The following EXOC4 variants were observed in gnomAD, a reference collection of about 807,000 sequenced individuals.
EXOC4 encodes SEC8-like 1.
A neutral mutation model predicts 107.2 loss-of-function variants in EXOC4; 71 were observed. The observed-to-expected ratio is 0.66, with a 90% CI of 0.55 to 0.81. The LOEUF (loss-of-function observed/expected upper bound fraction) is 0.81. EXOC4 is among the 30% of genes least tolerant of loss of function. The probability of loss-of-function intolerance (pLI) is 0.00; values close to 1 mark genes in which losing one functional copy is unlikely to be tolerated. For missense variants in EXOC4, 1,108 were observed against 1,189.6 expected (o/e 0.93, Z 1.01); for synonymous variants, 456 against 441.2 (o/e 1.03, Z -0.42).
At chr7:133,533,664 T>G (rs1800221313) in intron 9 of EXOC4, among the ~76,000 whole-genome samples, 2 of 152,148 alleles carry the variant, frequency 1.3e-5, no homozygotes, top group Admixed American at 1.3e-4. Flanking sequence ...GTGTTACCTT[T>G]AAAAAGCTAG....
chr7:133,860,842 A>G (rs1289503381), intron 11 of EXOC4, among the ~76,000 whole-genome samples: 2 of 151,752 alleles, frequency 1.3e-5, no homozygotes, highest in South Asian at 2.1e-4. Flanking sequence ...AAATCCATTA[A>G]TATGTATGAT....
chr7:133,805,180 G>A (rs867080160), intron 10 of EXOC4, among the ~76,000 whole-genome samples: 1 of 152,092 alleles, frequency 6.6e-6, no homozygotes, highest in Non-Finnish European at 1.5e-5. Flanking sequence ...TACATAAAGC[G>A]GTTTTAAAGG....
chr7:133,895,300 G>A (rs1249878158), intron 11 of EXOC4: 4 of 315,158 alleles, frequency 1.3e-5, no homozygotes, highest in Admixed American at 4.2e-5. Flanking sequence ...CGCACGGTGC[G>A]CGCACCCACT....
At position 133,630,143 on chromosome 7, in the gene EXOC4, T is replaced by C. The variant is rs751318181; in HGVS notation, c.1514+2T>C. 8.8e-5 allele frequency: 141 copies of C among 1,604,986 alleles called. No individual in the cohort carries two copies. Among genetic ancestry groups the C allele is most frequent in the Non-Finnish European group, 1.1e-4 (129 of 1,171,928 alleles). On this transcript the variant is annotated splice_donor_variant, in intron 10 of 17. Transcript: ENST00000253861. LOFTEE classifies it high-confidence loss of function. ...CGTCATATTCCACCCATTACTAAGGTAAGTCAAGTGCTATGATATACTTAC... is the reference window on the plus strand; with the variant it reads ...CGTCATATTCCACCCATTACTAAGGCAAGTCAAGTGCTATGATATACTTAC...
intron 7 of EXOC4, among the ~76,000 whole-genome samples, chr7:133,427,292 A>G (rs1797748497): frequency 6.6e-6 from 1 of 152,124 alleles, no homozygotes; most frequent in Non-Finnish European, 1.5e-5. Context: ...GGTGATCCAC[A>G]GCTCTACTAG....
chr7:133,372,575 C>G (rs1006126369), intron 6 of EXOC4, among the ~76,000 whole-genome samples: 1 of 152,042 alleles, frequency 6.6e-6, no homozygotes, highest in Non-Finnish European at 1.5e-5. Flanking sequence ...AGCGCTGTTC[C>G]TGGCTGCTGA....
At chr7:134,030,618 A>G (rs1269214262) in intron 17 of EXOC4, among the ~76,000 whole-genome samples, 2 of 152,028 alleles carry the variant, frequency 1.3e-5, no homozygotes, top group Non-Finnish European at 2.9e-5. Context: ...TTTAATGACA[A>G]AGGCTTGGAG....
chr7:133,746,465 C>T (rs1795680175), intron 10 of EXOC4, among the ~76,000 whole-genome samples: 1 of 152,058 alleles, frequency 6.6e-6, no homozygotes, highest in Admixed American at 6.6e-5. Context: ...ATCCCAGTGC[C>T]AGAGTTTCTA....
intron 5 of EXOC4, among the ~76,000 whole-genome samples, chr7:133,350,434 C>A (rs563493525): frequency 6.6e-6 from 1 of 152,064 alleles, no homozygotes; most frequent in Non-Finnish European, 1.5e-5. Flanking sequence ...GCCGTCCTTT[C>A]CCCATTGAAT....
chr7:133,727,257 G>A (rs113315398), intron 10 of EXOC4: 2 of 152,822 alleles, frequency 1.3e-5, no homozygotes, highest in Non-Finnish European at 2.9e-5. Context: ...ATATCGGAAA[G>A]AAATAAGACC....
chr7:133,370,613 C>A (rs2150682535), intron 6 of EXOC4, among the ~76,000 whole-genome samples: 1 of 152,254 alleles, frequency 6.6e-6, no homozygotes, highest in Non-Finnish European at 1.5e-5. Context: ...TTAAAAAAAT[C>A]TTGGTAGCTA....
intron 9 of EXOC4, among the ~76,000 whole-genome samples, chr7:133,515,448 T>TTACATATACATA: frequency 6.6e-6 from 1 of 152,162 alleles, no homozygotes; most frequent in South Asian, 2.1e-4. Flanking sequence ...CGTGTGTATT[T>TTACATATACATA]TACATATACA....
intron 10 of EXOC4, among the ~76,000 whole-genome samples, chr7:133,631,370 C>T (rs911727146): frequency 6.6e-6 from 1 of 152,030 alleles, no homozygotes; most frequent in African/African-American, 2.4e-5. Context: ...AATTATCCTA[C>T]CTTCTCATTA....
intron 2 of EXOC4, among the ~76,000 whole-genome samples, chr7:133,277,346 A>G (rs529961974): frequency 6.6e-6 from 1 of 152,366 alleles, no homozygotes; most frequent in East Asian, 1.9e-4. Context: ...TAATAACAGC[A>G]AAGGTGAAGG....
chr7:133,713,229 A>G (rs1345501723), intron 10 of EXOC4, among the ~76,000 whole-genome samples: 1 of 152,232 alleles, frequency 6.6e-6, no homozygotes, highest in African/African-American at 2.4e-5. Context: ...TTATAAGAAT[A>G]ACCAACTCAT....
chr7:133,519,637 A>G (rs534521908), intron 9 of EXOC4, among the ~76,000 whole-genome samples: 2 of 152,326 alleles, frequency 1.3e-5, no homozygotes, highest in African/African-American at 4.8e-5. Flanking sequence ...ATCAATCCAT[A>G]GCCTTTTTAA....
At chr7:133,968,594 T>C (rs1446493155) in intron 14 of EXOC4, among the ~76,000 whole-genome samples, 4 of 152,204 alleles carry the variant, frequency 2.6e-5, no homozygotes, top group Admixed American at 6.5e-5. Context: ...CTCCTTCACT[T>C]ATGAAGCTTA....
chr7:133,876,239 T>A (rs1798846875), intron 11 of EXOC4, among the ~76,000 whole-genome samples: 1 of 151,944 alleles, frequency 6.6e-6, no homozygotes, highest in Admixed American at 6.6e-5. Flanking sequence ...TGTGTGTGTG[T>A]GTGTGTGTGT....
intron 9 of EXOC4, among the ~76,000 whole-genome samples, chr7:133,495,947 A>G (rs564464592): frequency 1.3e-5 from 2 of 152,224 alleles, no homozygotes; most frequent in African/African-American, 2.4e-5. Flanking sequence ...CATTCTCACT[A>G]ATGTATTTTT....
Sources: allele counts gnomAD v4.1 joint callset (sites outside exome capture counted in the v4.1 genomes callset), GRCh38; gene constraint gnomAD v4.1.1; transcripts MANE v1.5; gene names NCBI Gene and HGNC (gene_info 2026-07-23, HGNC 2026-07-21).